TP53BP2: variants seen among roughly 807,000 people sequenced by gnomAD.
TP53BP2 encodes apoptosis-stimulating of p53 protein 2.
Under a neutral mutation model 126.2 loss-of-function variants are expected in TP53BP2, and 62 were observed. The observed-to-expected ratio is 0.49, with a 90% CI of 0.40 to 0.61. The LOEUF (loss-of-function observed/expected upper bound fraction) is 0.61. Ranked by LOEUF, TP53BP2 falls within the 20% of genes least tolerant of loss-of-function variation. TP53BP2 has a pLI of 0.00. For missense variants in TP53BP2, 1,215 were observed against 1,402.8 expected, an observed-to-expected ratio of 0.87 and a Z score of 2.14; for synonymous variants, 485 against 502.9, an observed-to-expected ratio of 0.96 and a Z score of 0.48.
chr1:223,783,913 T>C (rs988888562), intron 17 of TP53BP2, among the ~76,000 whole-genome samples: 2 of 152,154 alleles, frequency 1.3e-5, no homozygotes, highest in Non-Finnish European at 2.9e-5. Context: ...ACCCCTGACC[T>C]CCAGGGCTGG....
intron 1 of TP53BP2, among the ~76,000 whole-genome samples, chr1:223,832,177 A>C (rs1663758670): frequency 6.6e-6 from 1 of 152,232 alleles, no homozygotes; most frequent in African/African-American, 2.4e-5. Context: ...GTTCCCTGTC[A>C]CCAAAGGGAA....
At chr1:223,817,845 G>A (rs1253294900) in intron 2 of TP53BP2, among the ~76,000 whole-genome samples, 1 of 150,004 alleles carries the variant, frequency 6.7e-6, no homozygotes, top group Non-Finnish European at 1.5e-5. Flanking sequence ...AGAATCACCT[G>A]AACATAGGAG....
chr1:223,832,144 G>A (rs956746388), intron 1 of TP53BP2, among the ~76,000 whole-genome samples: 3 of 152,106 alleles, frequency 2.0e-5, no homozygotes, highest in Non-Finnish European at 4.4e-5. Flanking sequence ...ACAGAAAGAA[G>A]AAAGGAACCA....
chr1:223,808,049 G>A (rs1380844532), intron 4 of TP53BP2, among the ~76,000 whole-genome samples: 1 of 152,170 alleles, frequency 6.6e-6, no homozygotes, highest in Non-Finnish European at 1.5e-5. Context: ...AGTGACCAAT[G>A]CATGTGGTAT....
chr1:223,781,049 A>C (rs1037524776), intron 17 of TP53BP2, among the ~76,000 whole-genome samples, 155 bp from the exon 18 acceptor site: 1 of 152,232 alleles, frequency 6.6e-6, no homozygotes, highest in Non-Finnish European at 1.5e-5. Flanking sequence ...CTAGAGCTTT[A>C]CGTTTAGCAA....
At chr1:223,802,036 AAGAG>A in intron 9 of TP53BP2, 76 bp downstream of exon 9, 1 of 1,362,634 alleles carries the variant, frequency 7.3e-7, no homozygotes, top group Non-Finnish European at 1.0e-6. Flanking sequence ...AATGAATACA[AAGAG>A]AGATTTTTTT....
rs78775064 is a variant in TP53BP2, at chr1:223,798,256, G to C, written c.1907C>G (p.Ala636Gly). 1 of 1,614,024 alleles carries C rather than the reference G, an allele frequency of 6.2e-7. No homozygotes were observed. The highest frequency in any genetic ancestry group is 1.7e-5 in the Admixed American group (1 of 60,004). ...GKNFQQAVQS[A>G]LTKTHTRGPH... The stretch of plus-strand genomic sequence containing the variant: ...CCCTCTGGTATGAGTCTTGGTCAAC[G>C]CGCTCTGCACAGCCTGCTGGAAGTT... Residue 636 changes from alanine to glycine, a missense_variant, in exon 12 of 18, where the codon GCG becomes GGG. Ala to Gly is a moderately conservative substitution (Grantham distance 60, BLOSUM62 0). Around this residue, in one of 4 missense-constraint regions of TP53BP2, gnomAD observed 814 missense variants for 853.0 expected, o/e 0.95. Transcript: ENST00000343537.
chr1:223,790,247 G>A (rs550987855), intron 15 of TP53BP2, among the ~76,000 whole-genome samples: 4 of 151,668 alleles, frequency 2.6e-5, no homozygotes, highest in African/African-American at 9.7e-5. Flanking sequence ...GCAAGACTCT[G>A]TCTCAAAAAA....
intron 1 of TP53BP2, among the ~76,000 whole-genome samples, chr1:223,828,708 C>A (rs1188295343): frequency 1.3e-5 from 2 of 152,134 alleles, no homozygotes; most frequent in Non-Finnish European, 2.9e-5. Context: ...GAAAATATTA[C>A]GCTAAGTGAT....
rs766900322 is a variant in TP53BP2, at chr1:223,789,095, C to G, written c.3076G>C (p.Ala1026Pro). 1 of 1,614,212 alleles carries G rather than the reference C, an allele frequency of 6.2e-7. No individual in the cohort carries two copies. Among genetic ancestry groups the G allele is most frequent in the South Asian group, 1.1e-5 (1 of 91,080 alleles). Residue 1026 changes from alanine (A) to proline (P), a missense_variant, in exon 16 of 18, where the codon GCC (alanine) becomes CCC (proline). By Grantham distance (27) the Ala-to-Pro change is conservative. Coordinates refer to ENST00000343537, the MANE Select transcript of TP53BP2 (RefSeq NM_001031685.3). ...GTCTGCATGTCACTGTAGGTCATGG[C>G]AAACACAGCGGCTCCTGACTCCACC... ...FLVESGAAVFAMTYSDMQTAA... is the reference protein window; with the variant it reads ...FLVESGAAVFPMTYSDMQTAA...
At chr1:223,843,169 A>G (rs1664158346) in intron 1 of TP53BP2, among the ~76,000 whole-genome samples, 1 of 145,324 alleles carries the variant, frequency 6.9e-6, no homozygotes, top group Admixed American at 6.8e-5. Flanking sequence ...ACATGAACAC[A>G]ATTTATTTGC....
At chr1:223,814,219 G>A (rs371933368) in intron 3 of TP53BP2, 21 bp downstream of exon 3, 60 of 1,550,186 alleles carry the variant, frequency 3.9e-5, no homozygotes, top group African/African-American at 8.2e-5. Context: ...TATCTGTCAC[G>A]ATTCACAGAG....
At chr1:223,800,471 C>CT (rs1204371700) in intron 10 of TP53BP2, among the ~76,000 whole-genome samples, 1 of 151,936 alleles carries the variant, frequency 6.6e-6, no homozygotes, top group Non-Finnish European at 1.5e-5. Flanking sequence ...GTACCAGCTA[C>CT]TAGGGAGGCT....
At chr1:223,799,092 C>A (rs1662442950) in intron 11 of TP53BP2, among the ~76,000 whole-genome samples, 1 of 152,070 alleles carries the variant, frequency 6.6e-6, no homozygotes, top group Non-Finnish European at 1.5e-5. Context: ...TCTATATAAG[C>A]TCATATTTTT....
chr1:223,843,256 C>T (rs1362421115), intron 1 of TP53BP2, among the ~76,000 whole-genome samples: 1 of 152,044 alleles, frequency 6.6e-6, no homozygotes, highest in Non-Finnish European at 1.5e-5. Flanking sequence ...TCACTGCAAC[C>T]TCCACCTCCA....
intron 1 of TP53BP2, among the ~76,000 whole-genome samples, chr1:223,841,736 C>T (rs2102894439): frequency 6.6e-6 from 1 of 152,120 alleles, no homozygotes; most frequent in Non-Finnish European, 1.5e-5. Context: ...ACTGTAATAT[C>T]CCATTTTTTT....
chr1:223,814,210 A>G (rs752618740), intron 3 of TP53BP2, 30 bp downstream of exon 3: 8 of 1,512,138 alleles, frequency 5.3e-6, no homozygotes, highest in Middle Eastern at 1.7e-4. Flanking sequence ...AAGCTTAAAT[A>G]TCTGTCACGA....
chr1:223,816,104 C>T (rs559741060), intron 2 of TP53BP2, among the ~76,000 whole-genome samples: 9 of 152,330 alleles, frequency 5.9e-5, no homozygotes, highest in Non-Finnish European at 1.0e-4. Flanking sequence ...CCCCCAGCAC[C>T]CTTTTCTCCT....
At chr1:223,782,104 T>G (rs1238916224) in intron 17 of TP53BP2, among the ~76,000 whole-genome samples, 2 of 152,220 alleles carry the variant, frequency 1.3e-5, no homozygotes, top group Non-Finnish European at 2.9e-5. Flanking sequence ...TAATTAATAA[T>G]GTATTATATA....
Sources: gnomAD v4.1 joint callset for allele counts (sites outside exome capture counted in the v4.1 genomes callset) on GRCh38, gnomAD v4.1.1 for gene constraint, gnomAD v4.1.1 regional missense constraint, MANE v1.5 for transcripts, NCBI Gene and HGNC (gene_info 2026-07-23, HGNC 2026-07-21) for gene names.